The following IGSF5 variants were observed in gnomAD, a reference collection of about 807,000 sequenced individuals.
IGSF5 encodes the protein immunoglobulin superfamily 5 like.
IGSF5 carries 41 observed loss-of-function variants against 39.4 expected under a neutral mutation model. The ratio of observed to expected loss-of-function variants is 1.04; its 90% CI spans 0.81 to 1.35. The LOEUF (loss-of-function observed/expected upper bound fraction) is 1.35. IGSF5 is among the 40% of genes most tolerant of loss of function. IGSF5 has a pLI of 0.00. For synonymous variants in IGSF5, 183 were observed against 175.3 expected, an observed-to-expected ratio of 1.04 and a Z score of -0.34; for missense variants, 487 against 494.6, an observed-to-expected ratio of 0.98 and a Z score of 0.15.
chr21:39,717,366 T>A, the IGSF5 span, among the ~76,000 whole-genome samples: 1 of 152,222 alleles, frequency 6.6e-6, no homozygotes, highest in Non-Finnish European at 1.5e-5. Flanking sequence ...ATTTGTCAAT[T>A]TTTGCATTTG....
chr21:39,797,684 T>C (rs978011829), intron 8 of IGSF5, among the ~76,000 whole-genome samples: 9 of 152,080 alleles, frequency 5.9e-5, no homozygotes, highest in African/African-American at 2.2e-4. Context: ...GCCTAGCTAA[T>C]TTTAAACATT....
At chr21:39,738,844 A>G in the IGSF5 span, among the ~76,000 whole-genome samples, 4 of 152,026 alleles carry the variant, frequency 2.6e-5, no homozygotes, top group Admixed American at 6.6e-5. This position sits in a 1 kb window ranked among gnomAD's most constrained non-coding sequence, Gnocchi z 6.4. Context: ...CATCTTCACA[A>G]GGGAAATTTA....
At chr21:39,753,409 T>C (rs370697445) in intron 2 of IGSF5, among the ~76,000 whole-genome samples, 1 of 152,206 alleles carries the variant, frequency 6.6e-6, no homozygotes, top group African/African-American at 2.4e-5. Flanking sequence ...TGTAGTATAA[T>C]TTGAAGTCAG....
chr21:39,740,437 AT>A (rs2079943648), upstream of IGSF5, among the ~76,000 whole-genome samples: 1 of 152,192 alleles, frequency 6.6e-6, no homozygotes, highest in African/African-American at 2.4e-5. Flanking sequence ...ATATTACTGC[AT>A]GGGCATGGAG....
intron 5 of IGSF5, among the ~76,000 whole-genome samples, chr21:39,785,987 C>T (rs1160810981): frequency 6.6e-6 from 1 of 152,024 alleles, no homozygotes. Flanking sequence ...AACGTTAGAC[C>T]TAAAACCATA....
Position 39,765,683 on chromosome 21 carries a change from C to A in IGSF5, c.249C>A (p.Pro83=), listed in dbSNP as rs148193735. 2.5e-6 allele frequency: 4 copies of A among 1,614,114 alleles called. No homozygotes were observed. Among genetic ancestry groups the A allele is most frequent in the East Asian group, 4.5e-5 (2 of 44,860 alleles). ...LSDMVVLSVR[P]MEPIITNDRF... is the part of the protein sequence containing the mutation. ...ACATGGTGGTGCTAAGCGTCAGGCC[C>A]ATGGAGCCCATCATCACCAATGACC... The change falls in exon 3 of 9, where the codon CCC becomes CCA. Residue 83 remains proline (P), a synonymous_variant. Transcript: ENST00000380588.
chr21:39,765,447 C>T (rs2080081813), intron 2 of IGSF5, 88 bp from the exon 3 acceptor site: 1 of 1,232,228 alleles, frequency 8.1e-7, no homozygotes, highest in Non-Finnish European at 1.2e-6. Flanking sequence ...CTGGGGGTTA[C>T]CACTGGTAAA....
intron 2 of IGSF5, among the ~76,000 whole-genome samples, chr21:39,757,407 C>A (rs2080036860): frequency 6.6e-6 from 1 of 152,054 alleles, no homozygotes; most frequent in Non-Finnish European, 1.5e-5. Context: ...CCATCTGCAT[C>A]CCTTCATGAT....
chr21:39,766,497 CA>C (rs2080088077), intron 3 of IGSF5, among the ~76,000 whole-genome samples: 1 of 152,154 alleles, frequency 6.6e-6, no homozygotes, highest in Non-Finnish European at 1.5e-5. Flanking sequence ...AGAATCCCCC[CA>C]ACTTATTTCT....
chr21:39,738,872 G>T, the IGSF5 span, among the ~76,000 whole-genome samples: 2 of 151,186 alleles, frequency 1.3e-5, no homozygotes, highest in African/African-American at 4.9e-5. This position sits in a 1 kb window ranked among gnomAD's most constrained non-coding sequence, Gnocchi z 6.4. Flanking sequence ...CTCTCTGGCA[G>T]ATACGAGGAG....
intron 2 of IGSF5, among the ~76,000 whole-genome samples, chr21:39,761,269 A>G (rs1388983483): frequency 6.6e-6 from 1 of 152,242 alleles, no homozygotes; most frequent in African/African-American, 2.4e-5. Context: ...TGGACTAAAG[A>G]TTTAAATGTA....
chr21:39,742,594 A>G (rs941948333), upstream of IGSF5, among the ~76,000 whole-genome samples: 3 of 152,212 alleles, frequency 2.0e-5, no homozygotes, highest in Non-Finnish European at 2.9e-5. Context: ...TGGGCCTTCC[A>G]GTGATTCCCT....
At chr21:39,717,339 A>C in the IGSF5 span, among the ~76,000 whole-genome samples, 3 of 152,156 alleles carry the variant, frequency 2.0e-5, no homozygotes, top group Non-Finnish European at 1.5e-5. Flanking sequence ...AGAAGGTCTT[A>C]AGTTTAATTA....
chr21:39,798,985 A>T (rs2087013203), intron 8 of IGSF5, among the ~76,000 whole-genome samples: 1 of 152,230 alleles, frequency 6.6e-6, no homozygotes, highest in South Asian at 2.1e-4. Context: ...ACCAAAGGCC[A>T]GACACTGTGG....
intron 2 of IGSF5, among the ~76,000 whole-genome samples, chr21:39,757,991 G>C (rs71316694): frequency 1.3e-5 from 2 of 152,220 alleles, no homozygotes. Flanking sequence ...GGTGGGCACA[G>C]AAGACTTCTG....
chr21:39,723,751 A>G, the IGSF5 span, among the ~76,000 whole-genome samples: 5 of 152,220 alleles, frequency 3.3e-5, no homozygotes, highest in African/African-American at 1.2e-4. Context: ...CTTGAGTACA[A>G]AGTTCACACA....
intron 6 of IGSF5, among the ~76,000 whole-genome samples, chr21:39,791,378 A>T (rs1003111235): frequency 6.6e-6 from 1 of 152,198 alleles, no homozygotes; most frequent in African/African-American, 2.4e-5. Flanking sequence ...TTTCCCTAGC[A>T]TACATCCTTA....
chr21:39,797,653 AC>A (rs1304073268), intron 8 of IGSF5, among the ~76,000 whole-genome samples: 1 of 152,136 alleles, frequency 6.6e-6, no homozygotes, highest in Non-Finnish European at 1.5e-5. Context: ...GAGAGCTAGG[AC>A]TACGGGCACT....
At chr21:39,799,084 G>C (rs887710961) in intron 8 of IGSF5, among the ~76,000 whole-genome samples, 1 of 152,106 alleles carries the variant, frequency 6.6e-6, no homozygotes, top group Non-Finnish European at 1.5e-5. Flanking sequence ...CCAGTTCCTA[G>C]ACCTCTTGGT....
Sources: allele counts gnomAD v4.1 joint callset (sites outside exome capture counted in the v4.1 genomes callset), GRCh38; gene constraint gnomAD v4.1.1; non-coding constraint Gnocchi (gnomAD v3.1); transcripts MANE v1.5; gene names NCBI Gene and HGNC (gene_info 2026-07-23, HGNC 2026-07-21).